TRMT2B: variants seen among roughly 807,000 people sequenced by gnomAD.
TRMT2B encodes the protein tRNA (uracil-5-)-methyltransferase homolog B.
A neutral mutation model predicts 39.7 loss-of-function variants in TRMT2B; 34 were observed. The ratio of observed to expected loss-of-function variants is 0.86; its 90% CI spans 0.65 to 1.14. The LOEUF (loss-of-function observed/expected upper bound fraction) is 1.14, where lower values mean the gene tolerates loss of function less well. Ranked by LOEUF, TRMT2B falls within the 50% of genes most tolerant of loss-of-function variation. TRMT2B has a pLI of 0.00. For synonymous variants in TRMT2B, 132 were observed against 137.3 expected, an observed-to-expected ratio of 0.96 and a Z score of 0.27; for missense variants, 318 against 377.2, an observed-to-expected ratio of 0.84 and a Z score of 1.30.
At chrX:101,034,167 GGTCTCGCTCT>G (rs1219545822) in intron 7 of TRMT2B, among the ~76,000 whole-genome samples, 7 of 75,320 alleles carry the variant, frequency 9.3e-5, no homozygotes, top group African/African-American at 3.7e-4. Flanking sequence ...TTTGAGACAT[GGTCTCGCTCT>G]GTCACCCAGG....
chrX:100,977,754 C>T, the TRMT2B span, among the ~76,000 whole-genome samples: 4 of 112,079 alleles, frequency 3.6e-5, no homozygotes, highest in African/African-American at 6.5e-5. Context: ...TGAGAACATA[C>T]GAAATTTATC....
intron 2 of TRMT2B, among the ~76,000 whole-genome samples, chrX:101,046,359 A>G (rs1394014272): frequency 1.8e-5 from 2 of 110,719 alleles, no homozygotes; most frequent in East Asian, 5.7e-4. Context: ...ATAGTATCAC[A>G]TCCATTAGGT....
Position 101,009,565 on chromosome X carries a change from G to A in TRMT2B, c.*1016C>T, listed in dbSNP as rs982162889. 6 of 89,209 alleles carry A rather than the reference G, an allele frequency of 6.7e-5. No homozygotes were observed. Among genetic ancestry groups the A allele is most frequent in the Non-Finnish European group, 1.1e-4 (5 of 46,653 alleles). 7.4% of individuals were successfully genotyped at this position (89,209 alleles called of 1,213,427 possible). Reference sequence around the variant, plus strand: ...TCTTTTTTTTTTTTTTTTTGAGATGGTGTCTCACTCTGTCACCCAGGCTGG... The same window carrying A: ...TCTTTTTTTTTTTTTTTTTGAGATGATGTCTCACTCTGTCACCCAGGCTGG... On this transcript the variant is annotated 3_prime_UTR_variant, in exon 14 of 14. Transcript: ENST00000372936.
chrX:101,037,824 G>C (rs1259781712), intron 5 of TRMT2B, 93 bp downstream of exon 5: 19 of 920,769 alleles, frequency 2.1e-5, no homozygotes, highest in Non-Finnish European at 2.9e-5. Flanking sequence ...TTAGCATAGG[G>C]CCTGGTCCCT....
chrX:101,034,641 C>G (rs1447073194), intron 7 of TRMT2B, among the ~76,000 whole-genome samples: 1 of 109,351 alleles, frequency 9.1e-6, no homozygotes, highest in African/African-American at 3.3e-5. Flanking sequence ...AATTTGAAAG[C>G]AAAATGGAAA....
chrX:101,037,651 A>C (rs1170224158), intron 5 of TRMT2B: 1 of 275,926 alleles, frequency 3.6e-6, no homozygotes, highest in African/African-American at 2.8e-5. Context: ...TCTCTATCAG[A>C]TAGACCTGAG....
intron 11 of TRMT2B, 33 bp from the exon 12 acceptor site, chrX:101,019,436 A>G (rs898572582): frequency 8.3e-7 from 1 of 1,204,805 alleles, no homozygotes. Context: ...ACATAACTCA[A>G]GCCCAGCAGT....
At chrX:101,018,494 G>C (rs184068498) in intron 13 of TRMT2B, among the ~76,000 whole-genome samples, 2 of 106,277 alleles carry the variant, frequency 1.9e-5, no homozygotes, top group East Asian at 5.9e-4. Flanking sequence ...CCAGGCTGGA[G>C]TGCAATGGCG....
At chrX:101,005,953 G>A (rs2017367177), downstream of TRMT2B, among the ~76,000 whole-genome samples, 1 of 102,858 alleles carries the variant, frequency 9.7e-6, no homozygotes, top group African/African-American at 3.6e-5. Context: ...AGGTGCGGTG[G>A]CTCACACCTG....
At chrX:101,007,798 A>G (rs2086126404), downstream of TRMT2B, among the ~76,000 whole-genome samples, 1 of 111,470 alleles carries the variant, frequency 9.0e-6, no homozygotes, top group African/African-American at 3.3e-5. Flanking sequence ...CCTGGGTTCA[A>G]GCAATCCTCC....
chrX:101,019,979 G>A (rs1040254858), intron 11 of TRMT2B, among the ~76,000 whole-genome samples: 2 of 110,936 alleles, frequency 1.8e-5, no homozygotes, highest in African/African-American at 3.3e-5. Flanking sequence ...ATACCAAGAT[G>A]AGAACCTTGA....
chrX:101,048,627 C>CG (rs925553869), intron 2 of TRMT2B, among the ~76,000 whole-genome samples: 5 of 111,574 alleles, frequency 4.5e-5, no homozygotes, highest in African/African-American at 9.8e-5. Flanking sequence ...TTAGTAGAGA[C>CG]GGGGGTCTCA....
At chrX:101,025,015 T>C (rs2086994548) in intron 7 of TRMT2B, among the ~76,000 whole-genome samples, 1 of 110,152 alleles carries the variant, frequency 9.1e-6, no homozygotes, top group South Asian at 3.9e-4. Flanking sequence ...TCATGATCCC[T>C]GCCCTGTAAC....
the TRMT2B span, among the ~76,000 whole-genome samples, chrX:100,997,993 G>A: frequency 9.0e-6 from 1 of 111,614 alleles, no homozygotes; most frequent in Non-Finnish European, 1.9e-5. Context: ...AGTGGCTCAC[G>A]CCTGTAATCC....
At chrX:100,975,721 C>G in the TRMT2B span, among the ~76,000 whole-genome samples, 1 of 109,024 alleles carries the variant, frequency 9.2e-6, no homozygotes, top group Non-Finnish European at 1.9e-5. Context: ...CAACCTCCAC[C>G]TCCCAGGTTC....
intron 10 of TRMT2B, 39 bp from the exon 11 acceptor site, chrX:101,020,627 G>A: frequency 1.9e-6 from 2 of 1,028,232 alleles, no homozygotes; most frequent in Non-Finnish European, 2.7e-6. Context: ...GGCATTTTAG[G>A]GTTTAGGTGT....
downstream of TRMT2B, among the ~76,000 whole-genome samples, chrX:101,006,328 C>T (rs1602485496): frequency 8.9e-6 from 1 of 111,851 alleles, no homozygotes; most frequent in Non-Finnish European, 1.9e-5. Context: ...CTCCAGACCA[C>T]ACCTCAAGAA....
chrX:100,988,553 T>C, the TRMT2B span: 1 of 1,064,621 alleles, frequency 9.4e-7, no homozygotes, highest in Non-Finnish European at 1.2e-6. Context: ...GACAATATTT[T>C]TGAAGGTAAT....
intron 5 of TRMT2B, 176 bp from the exon 6 acceptor site, chrX:101,037,249 T>C: frequency 2.3e-6 from 1 of 426,511 alleles, no homozygotes; most frequent in Non-Finnish European, 4.1e-6. Context: ...AGAAGGGGAG[T>C]TCCAATCTTG....
Sources: gnomAD v4.1 joint callset for allele counts (sites outside exome capture counted in the v4.1 genomes callset) on GRCh38, gnomAD v4.1.1 for gene constraint, MANE v1.5 for transcripts, NCBI Gene and HGNC (gene_info 2026-07-23, HGNC 2026-07-21) for gene names.